The following CDH13 variants were observed in gnomAD, a reference collection of about 807,000 sequenced individuals.
CDH13 encodes cadherin 13.
CDH13 carries 24 observed loss-of-function variants against 63.8 expected under a neutral mutation model. The observed-to-expected ratio is 0.38, with a 90% confidence interval of 0.27 to 0.53. CDH13 has a LOEUF of 0.53. CDH13 is among the 20% of genes least tolerant of loss of function. The pLI, the probability that CDH13 is intolerant of heterozygous loss-of-function variation, is 0.85. For missense variants in CDH13, 1,049 were observed against 903.1 expected (o/e 1.16, Z -2.07); for synonymous variants, 503 against 355.3 (o/e 1.42, Z -4.67).
chr16:83,226,051 A>G (rs1019308059), intron 5 of CDH13, among the ~76,000 whole-genome samples: 27 of 152,360 alleles, frequency 1.8e-4, no homozygotes, highest in African/African-American at 6.0e-4. Flanking sequence ...TCTGAGAAAC[A>G]GAATTTAATA....
At chr16:82,845,603 A>G (rs2039221757) in intron 1 of CDH13, among the ~76,000 whole-genome samples, 1 of 152,084 alleles carries the variant, frequency 6.6e-6, no homozygotes, top group Non-Finnish European at 1.5e-5. Context: ...GGTGTAGACC[A>G]GACAAGGTTC....
chr16:83,576,150 C>T (rs925058960), intron 7 of CDH13, among the ~76,000 whole-genome samples: 5 of 152,168 alleles, frequency 3.3e-5, no homozygotes, highest in Non-Finnish European at 7.3e-5. Flanking sequence ...CATTAAGTAG[C>T]CTCTCCCACT....
intron 1 of CDH13, among the ~76,000 whole-genome samples, chr16:82,791,174 T>C (rs1368436101): frequency 2.0e-5 from 3 of 150,082 alleles, no homozygotes; most frequent in Non-Finnish European, 4.4e-5. Context: ...GAGGCGGAGC[T>C]TGCCGTGAGC....
At chr16:82,879,801 AT>A (rs1459467305) in intron 2 of CDH13, among the ~76,000 whole-genome samples, 4 of 134,866 alleles carry the variant, frequency 3.0e-5, no homozygotes, top group African/African-American at 1.1e-4. Flanking sequence ...AAATATGAAT[AT>A]ATATTATATA....
chr16:82,919,498 A>G (rs1000213459), intron 2 of CDH13, among the ~76,000 whole-genome samples: 1 of 152,176 alleles, frequency 6.6e-6, no homozygotes, highest in Non-Finnish European at 1.5e-5. Context: ...GCTAAGGATG[A>G]TGGCCTCCAG....
chr16:83,317,238 G>A (rs1000521933), intron 5 of CDH13, among the ~76,000 whole-genome samples: 2 of 152,284 alleles, frequency 1.3e-5, no homozygotes, highest in South Asian at 4.1e-4. Context: ...CACTCATCCT[G>A]AACTCGAGTC....
At chr16:83,319,864 G>C (rs1427291280) in intron 5 of CDH13, among the ~76,000 whole-genome samples, 1 of 152,186 alleles carries the variant, frequency 6.6e-6, no homozygotes, top group African/African-American at 2.4e-5. Flanking sequence ...CACTGTTTCA[G>C]TTCTTCACCT....
At chr16:83,509,286 C>T (rs753342803) in intron 7 of CDH13, among the ~76,000 whole-genome samples, 1 of 152,190 alleles carries the variant, frequency 6.6e-6, no homozygotes, top group Non-Finnish European at 1.5e-5. Context: ...AGGGAAGTAA[C>T]TTTGTCTCAA....
intron 10 of CDH13, among the ~76,000 whole-genome samples, chr16:83,732,487 C>T (rs1033164163): frequency 1.1e-4 from 17 of 152,092 alleles, no homozygotes; most frequent in African/African-American, 3.9e-4. Flanking sequence ...AGGGACATGA[C>T]GTACATTTTT....
chr16:82,831,802 G>C (rs972451149), intron 1 of CDH13, among the ~76,000 whole-genome samples: 20 of 152,034 alleles, frequency 1.3e-4, no homozygotes, highest in Non-Finnish European at 2.6e-4. Flanking sequence ...TGGCCCCTTT[G>C]GTTTTTAAAT....
At chr16:82,678,427 G>A (rs6565059) in intron 1 of CDH13, among the ~76,000 whole-genome samples, 117,515 of 151,678 alleles carry the variant, frequency 0.77, 45,718 homozygotes, top group South Asian at 0.86. Context: ...TCTGTTTTCA[G>A]TCTAGAATGT....
intron 5 of CDH13, among the ~76,000 whole-genome samples, chr16:83,292,524 A>C (rs1016261226): frequency 1.3e-5 from 2 of 152,092 alleles, no homozygotes; most frequent in Non-Finnish European, 1.5e-5. Flanking sequence ...GTGTAGAGCC[A>C]TCTTTTTGTT....
At chr16:83,447,427 GA>G (rs1197438804) in intron 6 of CDH13, among the ~76,000 whole-genome samples, 2 of 151,542 alleles carry the variant, frequency 1.3e-5, no homozygotes, top group African/African-American at 4.8e-5. Context: ...AAAAAACAAA[GA>G]AAAAAAAGTT....
In CDH13 at chr16:83,322,384, G is replaced by C. The variant is rs147673863; in HGVS notation, c.637-22478G>C. Among the ~76,000 whole-genome samples the C allele has an allele frequency of 7.2e-5, 11 of 152,218 alleles. 1 individual carries two copies. The highest frequency in any genetic ancestry group is 3.4e-3 in the Middle Eastern group (1 of 294). ...TGCTAGCTTTAGGGGATATTACTGT[G>C]GTCTTATTTCTCCAAAACTAAAACG... is the stretch of plus-strand genomic sequence containing the variant. On this transcript the variant is annotated intron_variant, in intron 5 of 13. Coordinates refer to ENST00000567109, the MANE Select transcript of CDH13 (RefSeq NM_001257.5).
chr16:82,851,933 C>T (rs936668401), intron 1 of CDH13, among the ~76,000 whole-genome samples: 1 of 152,128 alleles, frequency 6.6e-6, no homozygotes, highest in African/African-American at 2.4e-5. Flanking sequence ...CAAGAGTAAA[C>T]CAGAGATGTT....
chr16:83,334,361 T>TCTCA lies in CDH13; in HGVS notation c.637-10500_637-10499insTCAC, dbSNP rs1272779883. On this transcript the variant is annotated intron_variant, in intron 5 of 13. Coordinates refer to ENST00000567109, the MANE Select transcript of CDH13 (RefSeq NM_001257.5). ...TTCTCCCTCTCTCTCTCTCTCTCTC[T>TCTCA]CACACACACACACACACACACACAC... Among the ~76,000 whole-genome samples the TCTCA allele has an allele frequency of 4.6e-3, 395 of 85,610 alleles. 5 individuals are homozygous for TCTCA. Among genetic ancestry groups the TCTCA allele is most frequent in the Middle Eastern group, 0.031 (4 of 128 alleles). 56.2% of individuals were successfully genotyped at this position (85,610 alleles called of 152,430 possible).
chr16:82,822,341 G>T lies in CDH13; in HGVS notation c.46-36021G>T, dbSNP rs549714739. Among the ~76,000 whole-genome samples the T allele has an allele frequency of 2.6e-5, 4 of 152,234 alleles. No individual in the cohort carries two copies. The South Asian group carries it at 8.3e-4, about 32-fold the overall frequency. Reference sequence around the variant, plus strand: ...CTATAGGCTATTTGGGATAATGTTCGGATATATTTTTAAGGTAGAAAAAGT... The same window carrying T: ...CTATAGGCTATTTGGGATAATGTTCTGATATATTTTTAAGGTAGAAAAAGT... On this transcript the variant is annotated intron_variant, in intron 1 of 13. Coordinates refer to ENST00000567109, the MANE Select transcript of CDH13 (RefSeq NM_001257.5).
chr16:83,323,654 A>G (rs895512026), intron 5 of CDH13, among the ~76,000 whole-genome samples: 2 of 152,174 alleles, frequency 1.3e-5, no homozygotes, highest in African/African-American at 2.4e-5. Flanking sequence ...AAAACAAACA[A>G]CAAACTAGAA....
chr16:82,974,676 G>A (rs1429894866), intron 2 of CDH13, among the ~76,000 whole-genome samples: 2 of 152,168 alleles, frequency 1.3e-5, no homozygotes, highest in African/African-American at 2.4e-5. Flanking sequence ...GAAAAAGGAG[G>A]AGGCAGAAGA....
Sources: gnomAD v4.1 joint callset for allele counts (sites outside exome capture counted in the v4.1 genomes callset) on GRCh38, gnomAD v4.1.1 for gene constraint, MANE v1.5 for transcripts, NCBI Gene and HGNC (gene_info 2026-07-23, HGNC 2026-07-21) for gene names.